Variants in HTR2C observed in about 807,000 individuals in gnomAD.
HTR2C encodes the protein 5-hydroxytryptamine (serotonin) receptor 2C, G protein-coupled.
In HTR2C, 5 loss-of-function variants were observed where a neutral mutation model predicts 21.0. That is an observed-to-expected ratio of 0.24 (90% CI 0.12 to 0.50). HTR2C has a LOEUF of 0.50. Among genes scored for constraint, HTR2C ranks in the 20% least tolerant of loss-of-function variants. The probability of loss-of-function intolerance (pLI) is 0.98; values close to 1 mark genes in which losing one functional copy is unlikely to be tolerated. For synonymous variants in HTR2C, 150 were observed against 145.3 expected, an observed-to-expected ratio of 1.03 and a Z score of -0.23; for missense variants, 271 against 371.2, an observed-to-expected ratio of 0.73 and a Z score of 2.22.
chrX:114,805,684 CCATATATATACACCATATATAT>C lies in HTR2C; in HGVS notation c.350-42318_350-42297del, dbSNP rs1556448664. Among the ~76,000 whole-genome samples, 13 of 21,400 alleles carry C rather than the reference CCATATATATACACCATATATAT, an allele frequency of 6.1e-4. 4 individuals are homozygous for C. The highest frequency in any genetic ancestry group is 1.1e-3 in the Non-Finnish European group (13 of 11,349). 18.6% of individuals were successfully genotyped at this position (21,400 alleles called of 115,157 possible). A position where few individuals can be genotyped will look rare whatever the true frequency, so the allele number is the denominator to read the frequency against. ...ACCATATATATACACCATATATATACCATATATATACACCATATATATACCATATATATACCATATATACACC... is the reference window on the plus strand; with the variant it reads ...ACCATATATATACACCATATATATACACCATATATATACCATATATACACC... On this transcript the variant is annotated intron_variant, in intron 4 of 5. Coordinates refer to ENST00000276198, the MANE Select transcript of HTR2C (RefSeq NM_000868.4).
At chrX:114,611,024 T>A (rs2147803411) in intron 1 of HTR2C, among the ~76,000 whole-genome samples, 1 of 112,087 alleles carries the variant, frequency 8.9e-6, no homozygotes, top group African/African-American at 3.2e-5. Context: ...TGATAGGTCT[T>A]GGAGAAATTT....
intron 4 of HTR2C, among the ~76,000 whole-genome samples, chrX:114,749,720 A>C (rs782093756): frequency 3.0e-4 from 33 of 110,981 alleles, no homozygotes; most frequent in African/African-American, 1.0e-3. Flanking sequence ...ACAACAAAAA[A>C]ACAAAAACAA....
chrX:114,674,361 A>G (rs782264087), intron 2 of HTR2C, among the ~76,000 whole-genome samples: 1 of 112,363 alleles, frequency 8.9e-6, no homozygotes, highest in African/African-American at 3.2e-5. Flanking sequence ...TTATGTTAAC[A>G]ACAAACTTTA....
At chrX:114,706,454 A>G (rs1256102449) in intron 2 of HTR2C, among the ~76,000 whole-genome samples, 2 of 33,950 alleles carry the variant, frequency 5.9e-5, no homozygotes, top group African/African-American at 1.2e-4. Flanking sequence ...AAACTATTGC[A>G]AGGAAAAAAA....
At chrX:114,871,459 A>C (rs1454341540) in intron 5 of HTR2C, among the ~76,000 whole-genome samples, 1 of 111,554 alleles carries the variant, frequency 9.0e-6, no homozygotes, top group African/African-American at 3.3e-5. Flanking sequence ...GAACAGATTA[A>C]GTCTTATGTT....
intron 5 of HTR2C, among the ~76,000 whole-genome samples, chrX:114,862,704 A>G (rs2071015646): frequency 9.0e-6 from 1 of 110,943 alleles, no homozygotes; most frequent in Admixed American, 9.6e-5. Context: ...AGAATGTGTA[A>G]TGAGCAAATC....
intron 5 of HTR2C, among the ~76,000 whole-genome samples, chrX:114,857,895 C>T (rs985544403): frequency 4.5e-5 from 5 of 110,877 alleles, no homozygotes; most frequent in Non-Finnish European, 9.5e-5. Flanking sequence ...ACGTCTGATG[C>T]GAGCTAGAGA....
At chrX:114,834,555 T>C (rs1556462781) in intron 4 of HTR2C, among the ~76,000 whole-genome samples, 1 of 109,816 alleles carries the variant, frequency 9.1e-6, no homozygotes, top group Non-Finnish European at 1.9e-5. Flanking sequence ...TTCCATTTGC[T>C]TGGTAGATCT....
At position 114,698,475 on chromosome X, in the gene HTR2C, A is replaced by C. The variant is rs1409020347; in HGVS notation, c.-79-28383A>C. Among the ~76,000 whole-genome samples, 54 of 9,638 alleles carry C rather than the reference A, an allele frequency of 5.6e-3. 1 individual carries two copies. Among genetic ancestry groups the C allele is most frequent in the African/African-American group, 0.014 (51 of 3,776 alleles). 8.4% of individuals were successfully genotyped at this position (9,638 alleles called of 115,157 possible). A position where few individuals can be genotyped will look rare whatever the true frequency, so the allele number is the denominator to read the frequency against. ...ACACACACAAACACACACACACACAAACACGCACACACACAGAGAAATGTT... is the reference window on the plus strand; with the variant it reads ...ACACACACAAACACACACACACACACACACGCACACACACAGAGAAATGTT... On this transcript the variant is annotated intron_variant, in intron 2 of 5. Transcript: ENST00000276198.
chrX:114,741,087 G>A (rs1362035467), intron 4 of HTR2C, among the ~76,000 whole-genome samples: 2 of 111,489 alleles, frequency 1.8e-5, no homozygotes, highest in South Asian at 3.7e-4. Flanking sequence ...ATATTTATAT[G>A]TATACTTTGA....
chrX:114,858,929 TA>T (rs1239423262), intron 5 of HTR2C, among the ~76,000 whole-genome samples: 1 of 110,746 alleles, frequency 9.0e-6, no homozygotes, highest in Non-Finnish European at 1.9e-5. Flanking sequence ...CTGAGATGAT[TA>T]TAGGATTTAT....
chrX:114,639,239 G>T (rs1325197382), intron 2 of HTR2C, among the ~76,000 whole-genome samples: 1 of 111,915 alleles, frequency 8.9e-6, no homozygotes, highest in Non-Finnish European at 1.9e-5. Flanking sequence ...TATTTCAAAT[G>T]CCATTTATTG....
chrX:114,899,891 A>C (rs1231064670), intron 5 of HTR2C, among the ~76,000 whole-genome samples: 9 of 111,518 alleles, frequency 8.1e-5, no homozygotes, highest in African/African-American at 2.6e-4. Flanking sequence ...TGACATGAAA[A>C]AGTCTTAATT....
chrX:114,806,552 CAT>C (rs1556449847), intron 4 of HTR2C, among the ~76,000 whole-genome samples: 3 of 43,163 alleles, frequency 7.0e-5, no homozygotes, highest in East Asian at 1.9e-3. Context: ...GTATATATAC[CAT>C]ATATACCATA....
At chrX:114,899,002 C>T (rs931490647) in intron 5 of HTR2C, among the ~76,000 whole-genome samples, 4 of 111,815 alleles carry the variant, frequency 3.6e-5, no homozygotes, top group South Asian at 3.7e-4. Context: ...TTAATTGCAT[C>T]GATTCTTTCT....
intron 5 of HTR2C, among the ~76,000 whole-genome samples, chrX:114,857,509 A>C (rs1229653979): frequency 9.0e-6 from 1 of 110,972 alleles, no homozygotes; most frequent in Non-Finnish European, 1.9e-5. Flanking sequence ...AATGTTGGGC[A>C]CTTTTTGTTA....
intron 2 of HTR2C, among the ~76,000 whole-genome samples, chrX:114,710,354 G>C (rs1171232106): frequency 9.0e-6 from 1 of 111,394 alleles, no homozygotes; most frequent in Non-Finnish European, 1.9e-5. Flanking sequence ...TAGACATAGA[G>C]ATTGACAGGT....
chrX:114,616,098 G>C (rs1602639268), intron 2 of HTR2C, among the ~76,000 whole-genome samples: 1 of 110,829 alleles, frequency 9.0e-6, no homozygotes, highest in South Asian at 3.8e-4. Flanking sequence ...TATTATAGAA[G>C]GTTGGAGCTT....
chrX:114,719,507 C>T (rs781866829), intron 2 of HTR2C, among the ~76,000 whole-genome samples: 3 of 111,063 alleles, frequency 2.7e-5, no homozygotes, highest in Non-Finnish European at 5.7e-5. Flanking sequence ...ATAATTTATT[C>T]CCATCACACC....
Sources: gnomAD v4.1 joint callset for allele counts (sites outside exome capture counted in the v4.1 genomes callset) on GRCh38, gnomAD v4.1.1 for gene constraint, MANE v1.5 for transcripts, NCBI Gene and HGNC (gene_info 2026-07-23, HGNC 2026-07-21) for gene names.